FOXJ3: variants seen among roughly 807,000 people sequenced by gnomAD.
The protein encoded by FOXJ3 is forkhead box J3.
Under a neutral mutation model 76.1 loss-of-function variants are expected in FOXJ3, and 22 were observed. That is an observed-to-expected ratio of 0.29 (90% CI 0.21 to 0.41). FOXJ3 has a LOEUF of 0.41. FOXJ3 is among the 10% of genes least tolerant of loss of function. FOXJ3 has a pLI of 1.00. For synonymous variants in FOXJ3, 269 were observed against 261.2 expected, an observed-to-expected ratio of 1.03 and a Z score of -0.29; for missense variants, 613 against 762.1, an observed-to-expected ratio of 0.80 and a Z score of 2.30.
At position 42,217,068 on chromosome 1, in the gene FOXJ3, G is replaced by C. The variant is rs891572272; in HGVS notation, c.528+10815C>G. Among the ~76,000 whole-genome samples, 3 of 151,980 alleles carry C rather than the reference G, an allele frequency of 2.0e-5. No individual in the cohort carries two copies. In the South Asian group the frequency reaches 6.2e-4, roughly 32 times the overall value. On this transcript the variant is annotated intron_variant, in intron 5 of 12. Transcript: ENST00000361346. ...AGATCTGGGGTGGAGGGGAGGAGAG[G>C]AACAGGAAAACTGTCTCTATTTGCA...
chr1:42,179,990 G>A (rs1646285736), intron 12 of FOXJ3, among the ~76,000 whole-genome samples, 165 bp from the exon 13 acceptor site: 1 of 152,040 alleles, frequency 6.6e-6, no homozygotes, highest in South Asian at 2.1e-4. Flanking sequence ...TATAGGTAAG[G>A]GGATACGGTT....
At chr1:42,300,222 A>G (rs1247655034) in intron 2 of FOXJ3, among the ~76,000 whole-genome samples, 1 of 152,156 alleles carries the variant, frequency 6.6e-6, no homozygotes, top group African/African-American at 2.4e-5. Flanking sequence ...AGACAGAGAT[A>G]TAGATATGTG....
intron 4 of FOXJ3, among the ~76,000 whole-genome samples, chr1:42,256,954 G>C (rs955437051): frequency 1.3e-5 from 2 of 152,140 alleles, no homozygotes; most frequent in Non-Finnish European, 2.9e-5. Flanking sequence ...ACACAAATGA[G>C]TATATATTGA....
rs907358758 is a variant in FOXJ3 at position 42,177,796 on chromosome 1, G to GCACACA, written c.*1908_*1913dup. The GCACACA allele has an allele frequency of 1.3e-5, 2 of 151,672 alleles. No individual in the cohort carries two copies. Among genetic ancestry groups the GCACACA allele is most frequent in the Non-Finnish European group, 2.9e-5 (2 of 67,814 alleles). The allele number at this position is 151,672 out of a possible 1,614,324, so 9.4% of individuals were successfully genotyped here. A position where few individuals can be genotyped will look rare whatever the true frequency, so the allele number is the denominator to read the frequency against. On this transcript the variant is annotated 3_prime_UTR_variant, in exon 13 of 13. Transcript: ENST00000361346. ...ACGCGCGCGCACACTCTCACACACAGCACACACACACAGAAACAAAAGATG... is the reference window on the plus strand; with the variant it reads ...ACGCGCGCGCACACTCTCACACACAGCACACACACACACACACAGAAACAAAAGATG...
In FOXJ3 at chr1:42,222,488, T is replaced by G. The variant is rs180725017; in HGVS notation, c.528+5395A>C. Reference sequence around the variant, plus strand: ...ATTCATCCTACCTTATCAGTTTATCTTCCCTGCTTGAGTGAGGAGAGGGTA... The same window carrying G: ...ATTCATCCTACCTTATCAGTTTATCGTCCCTGCTTGAGTGAGGAGAGGGTA... On this transcript the variant is annotated intron_variant, in intron 5 of 12. Transcript: ENST00000361346. Among the ~76,000 whole-genome samples, 9 of 152,274 alleles carry G rather than the reference T, an allele frequency of 5.9e-5. No homozygotes were observed. The East Asian group carries it at 1.7e-3, about 29-fold the overall frequency.
At chr1:42,322,618 A>G (rs1290064489) in intron 1 of FOXJ3, among the ~76,000 whole-genome samples, 2 of 152,082 alleles carry the variant, frequency 1.3e-5, no homozygotes, top group Non-Finnish European at 2.9e-5. Flanking sequence ...ATGGATAATT[A>G]ATTTTTTTCT....
At chr1:42,244,794 TA>T (rs1439212290) in intron 4 of FOXJ3, among the ~76,000 whole-genome samples, 3 of 151,882 alleles carry the variant, frequency 2.0e-5, no homozygotes, top group Non-Finnish European at 4.4e-5. Flanking sequence ...AGGAAATGAA[TA>T]AATTCATGGA....
At chr1:42,238,384 G>C (rs1031342526) in intron 4 of FOXJ3, among the ~76,000 whole-genome samples, 1 of 152,088 alleles carries the variant, frequency 6.6e-6, no homozygotes, top group Non-Finnish European at 1.5e-5. Context: ...TCAGAAATCA[G>C]GCAGTATATA....
chr1:42,325,945 G>A (rs1350025497), intron 1 of FOXJ3, among the ~76,000 whole-genome samples: 1 of 152,130 alleles, frequency 6.6e-6, no homozygotes, highest in African/African-American at 2.4e-5. Flanking sequence ...ATAGCATCAA[G>A]TGTTTAAACT....
rs75188966 is a variant in FOXJ3 at position 42,317,853 on chromosome 1, T to C, written c.-17-6743A>G. ...AGAGAATGTTAGAATTTTCATCACA[T>C]TATCTCTATTACCTTATTTTATTCT... On this transcript the variant is annotated intron_variant, in intron 1 of 12. Coordinates refer to ENST00000361346, the MANE Select transcript of FOXJ3 (RefSeq NM_014947.5). Among the ~76,000 whole-genome samples, 740 of 152,310 alleles carry C rather than the reference T, an allele frequency of 4.9e-3. 3 individuals carry two copies. The highest frequency in any genetic ancestry group is 8.9e-3 in the Non-Finnish European group (603 of 68,016).
In FOXJ3 at chr1:42,179,193, G is replaced by A. The variant is rs1235658913; in HGVS notation, c.*517C>T. 1 of 152,558 alleles carries A rather than the reference G, an allele frequency of 6.6e-6. No individual in the cohort carries two copies. Among genetic ancestry groups the A allele is most frequent in the Admixed American group, 6.5e-5 (1 of 15,272 alleles). The allele number at this position is 152,558 out of a possible 1,614,324, so 9.5% of individuals were successfully genotyped here. ...AAAAAAGATTAAATAAGGGGAACTG[G>A]GTTTTGGAAAAAATCTATTTCCTTT... is the stretch of plus-strand genomic sequence containing the variant. On this transcript the variant is annotated 3_prime_UTR_variant, in exon 13 of 13. Coordinates refer to ENST00000361346, the MANE Select transcript of FOXJ3 (RefSeq NM_014947.5).
At chr1:42,291,574 G>A (rs1653438551) in intron 2 of FOXJ3, among the ~76,000 whole-genome samples, 1 of 152,182 alleles carries the variant, frequency 6.6e-6, no homozygotes, top group Non-Finnish European at 1.5e-5. Context: ...GCCAAGGCAG[G>A]AGGATCACTT....
At chr1:42,250,003 G>A (rs1405457294) in intron 4 of FOXJ3, among the ~76,000 whole-genome samples, 3 of 152,152 alleles carry the variant, frequency 2.0e-5, no homozygotes. Flanking sequence ...AAGAAAAATA[G>A]TACAGTATAG....
chr1:42,182,015 T>C lies in FOXJ3; in HGVS notation c.1655A>G (p.Tyr552Cys), dbSNP rs762488406. Residue 552 changes from tyrosine to cysteine, a missense_variant, in exon 12 of 13, where the codon TAC (tyrosine) becomes TGC (cysteine). Tyr to Cys is a radical substitution (Grantham distance 194, BLOSUM62 -2). This residue lies in a region of FOXJ3 where 526 missense variants were observed against 601.4 expected (regional missense o/e 0.87). Transcript: ENST00000361346. ...PSQHIGTGNL[Y>C]IDSRQNLPPS... is the part of the protein sequence containing the mutation. ...AGGGAGATTTTGCCTAGAATCTATG[T>C]ACAAATTTCCTAATCAGATTAAAAG... is the stretch of plus-strand genomic sequence containing the variant. 8 of 1,603,130 alleles carry C rather than the reference T, an allele frequency of 5.0e-6. No homozygotes were observed. The East Asian group carries it at 1.3e-4, about 27-fold the overall frequency.
chr1:42,225,190 T>C (rs1417661059), intron 5 of FOXJ3, among the ~76,000 whole-genome samples: 2 of 152,230 alleles, frequency 1.3e-5, no homozygotes, highest in Non-Finnish European at 2.9e-5. Flanking sequence ...TTTCAATGTT[T>C]ACATGTGGAC....
intron 2 of FOXJ3, among the ~76,000 whole-genome samples, chr1:42,299,024 G>A (rs1321755842): frequency 2.3e-4 from 35 of 152,258 alleles, no homozygotes; most frequent in Admixed American, 2.1e-3. Context: ...TCTGATTTCA[G>A]TATTTTGGAA....
chr1:42,227,051 T>C (rs977965913), intron 5 of FOXJ3, among the ~76,000 whole-genome samples: 1 of 152,276 alleles, frequency 6.6e-6, no homozygotes, highest in Admixed American at 6.5e-5. Context: ...GTATTTTCTC[T>C]GCCCTTAAGG....
intron 2 of FOXJ3, among the ~76,000 whole-genome samples, chr1:42,293,483 A>C (rs1341697153): frequency 6.6e-6 from 1 of 152,172 alleles, no homozygotes; most frequent in Non-Finnish European, 1.5e-5. Context: ...AACCCACTAA[A>C]ATGTCTAAAA....
intron 5 of FOXJ3, among the ~76,000 whole-genome samples, chr1:42,224,672 T>C (rs531287890): frequency 6.6e-6 from 1 of 151,260 alleles, no homozygotes; most frequent in Admixed American, 6.6e-5. Flanking sequence ...AATAAATAAA[T>C]AAAAATAAGA....
Sources: allele counts gnomAD v4.1 joint callset (sites outside exome capture counted in the v4.1 genomes callset), GRCh38; gene constraint gnomAD v4.1.1; regional missense constraint gnomAD v4.1.1; transcripts MANE v1.5; gene names NCBI Gene and HGNC (gene_info 2026-07-23, HGNC 2026-07-21).